Variants in NTRK3 observed in about 807,000 individuals in gnomAD.
NTRK3 encodes neurotrophic receptor tyrosine kinase 3, also known as NT-3 growth factor receptor.
Under a neutral mutation model 91.7 loss-of-function variants are expected in NTRK3, and 24 were observed. That is an observed-to-expected ratio of 0.26 (90% CI 0.19 to 0.37). NTRK3 has a LOEUF of 0.37. NTRK3 is among the 10% of genes least tolerant of loss of function. The pLI, the probability that NTRK3 is intolerant of heterozygous loss-of-function variation, is 1.00. For missense variants in NTRK3, 880 were observed against 1,068.9 expected (o/e 0.82, Z 2.46); for synonymous variants, 483 against 404.0 (o/e 1.20, Z -2.34).
At chr15:87,946,655 T>C (rs1003874619) in intron 14 of NTRK3, among the ~76,000 whole-genome samples, 4 of 152,150 alleles carry the variant, frequency 2.6e-5, no homozygotes, top group African/African-American at 7.2e-5. Context: ...CTGGCTCATG[T>C]TGATACTCAG....
intron 13 of NTRK3, among the ~76,000 whole-genome samples, chr15:88,108,350 C>T (rs1022941204): frequency 3.3e-5 from 5 of 152,212 alleles, no homozygotes; most frequent in African/African-American, 1.2e-4. Context: ...GGATCTTGGA[C>T]ACACAGCACA....
rs760103660 is a variant in NTRK3 at position 88,128,738 on chromosome 15, CA to C, written c.1205-5del. ...AAGATAAAGTTATCCGTGCTCTCTG[CA>C]AAAAAAGGACAAAGAGATAATTAAC... On this transcript the variant is annotated splice_region_variant and splice_polypyrimidine_tract_variant and intron_variant, in intron 10 of 18. Coordinates refer to ENST00000394480, the Ensembl canonical transcript of NTRK3. 34 of 1,613,216 alleles carry C rather than the reference CA, an allele frequency of 2.1e-5. No individual in the cohort carries two copies. Among genetic ancestry groups the C allele is most frequent in the Non-Finnish European group, 2.7e-5 (32 of 1,179,458 alleles).
intron 14 of NTRK3, chr15:87,979,285 C>T (rs2073992175): frequency 1.6e-6 from 2 of 1,230,932 alleles, no homozygotes; most frequent in African/African-American, 1.5e-5. Flanking sequence ...GAGCTTCCAA[C>T]CTCTCAGAGG....
intron 14 of NTRK3, among the ~76,000 whole-genome samples, chr15:87,963,134 C>T (rs1464677878): frequency 2.7e-5 from 4 of 150,680 alleles, no homozygotes; most frequent in African/African-American, 1.0e-4. Flanking sequence ...CAGGAGAATC[C>T]ACTGGATACC....
In NTRK3 at chr15:88,137,482, G is replaced by A; in HGVS notation, c.544C>T (p.Leu182Phe). 1 of 1,614,196 alleles carries A rather than the reference G, an allele frequency of 6.2e-7. No individual in the cohort carries two copies. Among genetic ancestry groups the A allele is most frequent in the Non-Finnish European group, 8.5e-7 (1 of 1,180,036 alleles). ...ATGCAGTAGAGGTTCTGGCTGTTGA[G>A]CTTGGCCTCCCCCTGCTCCTGCCAG... Residue 182 changes from leucine to phenylalanine, a missense_variant, in exon 7 of 19, where the codon CTC (leucine) becomes TTC (phenylalanine). Transcript: ENST00000394480.
intron 3 of NTRK3, among the ~76,000 whole-genome samples, chr15:88,208,029 A>G (rs1202068719): frequency 6.6e-6 from 1 of 152,078 alleles, no homozygotes; most frequent in Non-Finnish European, 1.5e-5. Context: ...GTTTGCATCG[A>G]TGTCACCCCA....
At chr15:88,217,528 T>C (rs1368954169) in intron 3 of NTRK3, among the ~76,000 whole-genome samples, 4 of 152,232 alleles carry the variant, frequency 2.6e-5, no homozygotes, top group African/African-American at 9.6e-5. Flanking sequence ...CGATTCCACT[T>C]ACATGAGGTA....
chr15:88,123,076 C>A (rs553381319), intron 13 of NTRK3, among the ~76,000 whole-genome samples: 2 of 152,086 alleles, frequency 1.3e-5, no homozygotes, highest in Admixed American at 1.3e-4. Flanking sequence ...GGCATGATTG[C>A]GTCTTGGATG....
At chr15:87,985,277 T>A (rs2074655647) in intron 14 of NTRK3, among the ~76,000 whole-genome samples, 1 of 152,174 alleles carries the variant, frequency 6.6e-6, no homozygotes, top group South Asian at 2.1e-4. Flanking sequence ...ACTCATGTCA[T>A]CCACTGGCTG....
intron 3 of NTRK3, among the ~76,000 whole-genome samples, chr15:88,225,346 T>C (rs889465041): frequency 1.6e-4 from 25 of 152,238 alleles, no homozygotes; most frequent in African/African-American, 5.8e-4. Flanking sequence ...GCAGGGGCTA[T>C]ACCCTCTGTA....
chr15:87,933,321 A>G, intron 15 of NTRK3, 137 bp from the exon 16 acceptor site: 1 of 834,410 alleles, frequency 1.2e-6, no homozygotes, highest in Non-Finnish European at 1.9e-6. Context: ...AAAGACAATG[A>G]AGCTCAATCT....
intron 17 of NTRK3, among the ~76,000 whole-genome samples, chr15:87,913,998 G>C (rs2067272304): frequency 6.6e-6 from 1 of 152,222 alleles, no homozygotes; most frequent in African/African-American, 2.4e-5. Flanking sequence ...GGACAAGGGA[G>C]AGAGGAGGAT....
chr15:88,042,832 T>C (rs1341842917), intron 13 of NTRK3, among the ~76,000 whole-genome samples: 7 of 152,156 alleles, frequency 4.6e-5, no homozygotes, highest in Non-Finnish European at 7.3e-5. Context: ...GCTTCATAAT[T>C]TGCCCAAGAT....
intron 13 of NTRK3, among the ~76,000 whole-genome samples, chr15:88,114,005 AC>A (rs561132913): frequency 3.3e-5 from 5 of 151,136 alleles, no homozygotes; most frequent in African/African-American, 7.3e-5. Context: ...TTTAATCAGT[AC>A]CCCCCCCACC....
In NTRK3 at chr15:88,243,942, T is replaced by C. The variant is rs1352824533; in HGVS notation, c.248+11964A>G. ...AAAAAATATCTTTAGCACCTAGCAG[T>C]TGAAGGGGAGAAATTCTGCTAATGA... On this transcript the variant is annotated intron_variant, in intron 3 of 18. Transcript: ENST00000394480. The surrounding 1 kb of genome is among the most constrained non-coding windows in gnomAD (Gnocchi z 4.8). Among the ~76,000 whole-genome samples the C allele has an allele frequency of 1.3e-5, 2 of 152,096 alleles. No individual in the cohort carries two copies. The highest frequency in any genetic ancestry group is 2.9e-5 in the Non-Finnish European group (2 of 68,028).
intron 3 of NTRK3, among the ~76,000 whole-genome samples, chr15:88,236,014 A>G (rs2051692336): frequency 1.3e-5 from 2 of 152,220 alleles, no homozygotes; most frequent in Admixed American, 1.3e-4. Context: ...AACTGTTACA[A>G]CCACTTCGGA....
intron 14 of NTRK3, among the ~76,000 whole-genome samples, chr15:88,010,197 T>C (rs2076775453): frequency 6.6e-6 from 1 of 152,110 alleles, no homozygotes; most frequent in Non-Finnish European, 1.5e-5. Context: ...AACTTGAGGG[T>C]CCAGTCTCTG....
At chr15:87,886,641 T>C (rs1379748283) in intron 17 of NTRK3, among the ~76,000 whole-genome samples, 2 of 136,808 alleles carry the variant, frequency 1.5e-5, no homozygotes, top group African/African-American at 5.5e-5. Flanking sequence ...CTATAGTATG[T>C]GAGTAATGAC....
intron 13 of NTRK3, among the ~76,000 whole-genome samples, chr15:88,082,854 T>TG (rs2048178553): frequency 6.6e-6 from 1 of 152,148 alleles, no homozygotes; most frequent in South Asian, 2.1e-4. Flanking sequence ...TTTATCTCTT[T>TG]TACACAGGGG....
Sources: gnomAD v4.1 joint callset for allele counts (sites outside exome capture counted in the v4.1 genomes callset) on GRCh38, gnomAD v4.1.1 for gene constraint, Gnocchi (gnomAD v3.1) non-coding constraint, MANE v1.5 for transcripts, NCBI Gene and HGNC (gene_info 2026-07-23, HGNC 2026-07-21) for gene names.